The following SAXO1 variants were observed in gnomAD, a reference collection of about 807,000 sequenced individuals.
SAXO1 encodes the protein 4930500O09Rik.
In SAXO1, 21 loss-of-function variants were observed where a neutral mutation model predicts 17.5. That is an observed-to-expected ratio of 1.20 (90% CI 0.85 to 1.72). The LOEUF (loss-of-function observed/expected upper bound fraction) is 1.72, where lower values mean the gene tolerates loss of function less well. SAXO1 is among the 40% of genes most tolerant of loss of function. SAXO1 has a pLI of 0.00. For synonymous variants in SAXO1, 274 were observed against 216.5 expected (o/e 1.27, Z -2.33); for missense variants, 843 against 596.0 (o/e 1.41, Z -4.32).
At chr9:18,965,659 C>T (rs1360053434) in intron 1 of SAXO1, among the ~76,000 whole-genome samples, 1 of 151,800 alleles carries the variant, frequency 6.6e-6, no homozygotes, top group Non-Finnish European at 1.5e-5. Flanking sequence ...TGAGATGGGT[C>T]TCCTGAATAC....
At chr9:18,947,210 C>A (rs1246433599) in intron 2 of SAXO1, among the ~76,000 whole-genome samples, 1 of 152,174 alleles carries the variant, frequency 6.6e-6, no homozygotes, top group African/African-American at 2.4e-5. Flanking sequence ...GTAAGAGAGT[C>A]AGGTGTCTCT....
chr9:18,977,358 C>T (rs897984554), intron 1 of SAXO1, among the ~76,000 whole-genome samples: 3 of 146,862 alleles, frequency 2.0e-5, no homozygotes, highest in Non-Finnish European at 4.6e-5. Flanking sequence ...TTACCACATG[C>T]TGGGCATACT....
intron 1 of SAXO1, among the ~76,000 whole-genome samples, 176 bp from the exon 2 acceptor site, chr9:18,951,113 A>C (rs1832020623): frequency 6.6e-6 from 1 of 152,184 alleles, no homozygotes; most frequent in South Asian, 2.1e-4. Context: ...CCAGAATATA[A>C]AGGTGGTCTG....
In SAXO1 at chr9:18,988,978, G is replaced by C. The variant is rs113636110; in HGVS notation, c.39-38041C>G. 1.1e-3 allele frequency among the ~76,000 whole-genome samples: 170 copies of C among 152,216 alleles called. 1 individual carries two copies. Among genetic ancestry groups the C allele is most frequent in the African/African-American group, 3.8e-3 (156 of 41,552 alleles). On this transcript the variant is annotated intron_variant, in intron 1 of 3. Transcript: ENST00000380534. Reference sequence around the variant, plus strand: ...AACCTTTGGGAACTACCTCTGTGTTGTGAACTTTCCCCTATAGGATGTATG... The same window carrying C: ...AACCTTTGGGAACTACCTCTGTGTTCTGAACTTTCCCCTATAGGATGTATG...
chr9:18,963,682 G>A (rs887527489), intron 1 of SAXO1, among the ~76,000 whole-genome samples: 1 of 152,178 alleles, frequency 6.6e-6, no homozygotes, highest in African/African-American at 2.4e-5. Context: ...TAAGCTTAAA[G>A]AGTTTTGGGG....
intron 1 of SAXO1, among the ~76,000 whole-genome samples, chr9:19,048,603 G>A (rs535006524): frequency 1.4e-4 from 21 of 152,300 alleles, no homozygotes; most frequent in African/African-American, 4.8e-4. Context: ...TTTGAGAGGG[G>A]CACAGGGTAG....
rs181025699 is a variant in SAXO1, at chr9:18,979,874, C to A, written c.39-28937G>T. Among the ~76,000 whole-genome samples the A allele has an allele frequency of 9.5e-4, 144 of 152,130 alleles. 2 individuals carry two copies. The Middle Eastern group carries it at 0.01, about 11-fold the overall frequency. On this transcript the variant is annotated intron_variant, in intron 1 of 3. Transcript: ENST00000380534. ...TAAAAAGAGTCTAGAAGTGGAGAAA[C>A]CAATGGCAGTTGTCTGGCTATGAGA...
intron 1 of SAXO1, among the ~76,000 whole-genome samples, chr9:18,951,857 A>G (rs1832053176): frequency 6.6e-6 from 1 of 152,176 alleles, no homozygotes; most frequent in South Asian, 2.1e-4. Flanking sequence ...TCTATATATC[A>G]TATCCTAAAT....
chr9:18,969,931 T>G (rs918183714), intron 1 of SAXO1, among the ~76,000 whole-genome samples: 21 of 152,274 alleles, frequency 1.4e-4, no homozygotes, highest in African/African-American at 5.1e-4. Flanking sequence ...ATGCCTCTTT[T>G]GCTGACTTCT....
intron 1 of SAXO1, among the ~76,000 whole-genome samples, chr9:18,985,124 G>A (rs1442852061): frequency 1.3e-5 from 2 of 152,020 alleles, no homozygotes; most frequent in Admixed American, 1.3e-4. Flanking sequence ...GGCCCAAGGA[G>A]AAGGAGAGAG....
chr9:18,954,051 G>A (rs546266556), intron 1 of SAXO1, among the ~76,000 whole-genome samples: 4 of 152,232 alleles, frequency 2.6e-5, no homozygotes, highest in East Asian at 1.9e-4. Context: ...AGCTGCCCTC[G>A]CCACCTTGCT....
intron 3 of SAXO1, among the ~76,000 whole-genome samples, chr9:18,933,393 T>C (rs1421253416): frequency 2.6e-5 from 4 of 152,226 alleles, no homozygotes; most frequent in Non-Finnish European, 5.9e-5. Context: ...TGTAATTGTC[T>C]TTTAAATGAA....
intron 1 of SAXO1, among the ~76,000 whole-genome samples, chr9:19,024,752 T>C (rs1228460912): frequency 6.6e-6 from 1 of 152,104 alleles, no homozygotes; most frequent in Non-Finnish European, 1.5e-5. Flanking sequence ...TCACTTGTTT[T>C]ATTGGTCTCA....
intron 1 of SAXO1, among the ~76,000 whole-genome samples, chr9:18,957,913 T>C (rs895320548): frequency 6.6e-6 from 1 of 152,216 alleles, no homozygotes; most frequent in African/African-American, 2.4e-5. Context: ...TTCTATTTAA[T>C]TTATGATATA....
At chr9:18,974,504 G>C (rs1833059853) in intron 1 of SAXO1, among the ~76,000 whole-genome samples, 1 of 152,196 alleles carries the variant, frequency 6.6e-6, no homozygotes, top group Admixed American at 6.5e-5. Flanking sequence ...GGTTGAGGTA[G>C]AGAAATACAA....
At chr9:19,024,436 C>T (rs1217756399) in intron 1 of SAXO1, among the ~76,000 whole-genome samples, 1 of 150,230 alleles carries the variant, frequency 6.7e-6, no homozygotes, top group Non-Finnish European at 1.5e-5. Context: ...ACACCGGGGA[C>T]AGTTGTGGGG....
intron 1 of SAXO1, among the ~76,000 whole-genome samples, chr9:19,018,985 T>C (rs1196951930): frequency 2.6e-5 from 4 of 152,082 alleles, no homozygotes; most frequent in Non-Finnish European, 5.9e-5. Context: ...GGCGGGCACC[T>C]GTAATCCCAG....
chr9:19,027,912 C>G, intron 1 of SAXO1: 1 of 1,376,972 alleles, frequency 7.3e-7, no homozygotes, highest in South Asian at 1.2e-5. Flanking sequence ...CAGAATCATG[C>G]AGATCCACTC....
intron 1 of SAXO1, among the ~76,000 whole-genome samples, chr9:18,967,246 G>A (rs1832755700): frequency 6.6e-6 from 1 of 152,224 alleles, no homozygotes; most frequent in South Asian, 2.1e-4. Flanking sequence ...TGAGGAGGCA[G>A]TCTGTCCCCT....
Sources: gnomAD v4.1 joint callset for allele counts (sites outside exome capture counted in the v4.1 genomes callset) on GRCh38, gnomAD v4.1.1 for gene constraint, MANE v1.5 for transcripts, NCBI Gene and HGNC (gene_info 2026-07-23, HGNC 2026-07-21) for gene names.